Variants in AUTS2 observed in about 807,000 individuals in gnomAD.
AUTS2 encodes autism susceptibility gene 2 protein.
A neutral mutation model predicts 112.4 loss-of-function variants in AUTS2; 17 were observed. The ratio of observed to expected loss-of-function variants is 0.15; its 90% CI spans 0.10 to 0.23. AUTS2 has a LOEUF of 0.23. Among genes scored for constraint, AUTS2 ranks in the 10% least tolerant of loss-of-function variants. AUTS2 has a pLI of 1.00. For synonymous variants in AUTS2, 751 were observed against 702.7 expected, an observed-to-expected ratio of 1.07 and a Z score of -1.09; for missense variants, 1,510 against 1,701.6, an observed-to-expected ratio of 0.89 and a Z score of 1.98.
intron 5 of AUTS2, among the ~76,000 whole-genome samples, chr7:70,623,111 A>T (rs1804761775): frequency 2.0e-5 from 3 of 152,180 alleles, no homozygotes; most frequent in Admixed American, 1.3e-4. Context: ...TGGCTTCGGG[A>T]AGCATTTGGT....
At chr7:69,811,843 G>A (rs923457821) in intron 1 of AUTS2, among the ~76,000 whole-genome samples, 1 of 152,122 alleles carries the variant, frequency 6.6e-6, no homozygotes, top group African/African-American at 2.4e-5. Flanking sequence ...CTCTGGATTC[G>A]GAGCCCCTGG....
At chr7:69,673,351 G>C (rs548241153) in intron 1 of AUTS2, among the ~76,000 whole-genome samples, 11 of 152,330 alleles carry the variant, frequency 7.2e-5, no homozygotes, top group Admixed American at 4.6e-4. Context: ...AGGGAGCCCT[G>C]ATCCTCATAT....
chr7:70,041,823 G>A (rs1321210891), intron 2 of AUTS2, among the ~76,000 whole-genome samples: 1 of 151,960 alleles, frequency 6.6e-6, no homozygotes, highest in East Asian at 1.9e-4. Flanking sequence ...TAACAGTGAA[G>A]GTAATATTTT....
intron 5 of AUTS2, among the ~76,000 whole-genome samples, chr7:70,523,574 T>C (rs1237933656): frequency 6.6e-6 from 1 of 152,164 alleles, no homozygotes; most frequent in African/African-American, 2.4e-5. Flanking sequence ...CAAACAAATC[T>C]AGACTCCTCT....
intron 5 of AUTS2, among the ~76,000 whole-genome samples, chr7:70,446,738 G>A (rs937960530): frequency 1.3e-5 from 2 of 152,182 alleles, no homozygotes; most frequent in African/African-American, 2.4e-5. Context: ...CCCAGCTCCA[G>A]TGTGTGCTTC....
At chr7:70,746,251 T>C (rs983066452) in intron 6 of AUTS2, among the ~76,000 whole-genome samples, 1 of 152,176 alleles carries the variant, frequency 6.6e-6, no homozygotes, top group Non-Finnish European at 1.5e-5. Flanking sequence ...GTTCAAGCGA[T>C]TCTCCTGCCT....
intron 4 of AUTS2, among the ~76,000 whole-genome samples, chr7:70,222,406 A>G (rs1358212600): frequency 6.6e-6 from 1 of 152,230 alleles, no homozygotes; most frequent in African/African-American, 2.4e-5. Flanking sequence ...GTTCAATAGG[A>G]ACATGCAAAA....
chr7:69,680,964 C>G (rs1162960421), intron 1 of AUTS2, among the ~76,000 whole-genome samples: 3 of 152,198 alleles, frequency 2.0e-5, no homozygotes, highest in Non-Finnish European at 4.4e-5. Flanking sequence ...ACCACCACAC[C>G]CAGCTGAATT....
intron 6 of AUTS2, among the ~76,000 whole-genome samples, chr7:70,716,412 T>A (rs576316222): frequency 5.3e-5 from 8 of 151,968 alleles, no homozygotes; most frequent in Non-Finnish European, 1.0e-4. Context: ...GGCGGGTGGA[T>A]CACGAGGTCA....
In AUTS2 at chr7:69,655,068, T is replaced by G. The variant is rs78187628; in HGVS notation, c.309+55106T>G. Among the ~76,000 whole-genome samples the G allele has an allele frequency of 2.0e-5, 3 of 152,286 alleles. No homozygotes were observed. In the East Asian group the frequency reaches 5.8e-4, roughly 29 times the overall value. On this transcript the variant is annotated intron_variant, in intron 1 of 18. Transcript: ENST00000342771. ...AGCAGCCCCATAAAACAAGGCACTCTTCAGCACCAGCATCAGTTGATGCAC... is the reference window on the plus strand; with the variant it reads ...AGCAGCCCCATAAAACAAGGCACTCGTCAGCACCAGCATCAGTTGATGCAC...
intron 5 of AUTS2, among the ~76,000 whole-genome samples, chr7:70,608,618 C>T (rs751494855): frequency 3.9e-5 from 6 of 152,182 alleles, no homozygotes; most frequent in African/African-American, 1.4e-4. Context: ...CGATGAACCA[C>T]CCTGATGAAA....
intron 2 of AUTS2, among the ~76,000 whole-genome samples, chr7:69,911,554 G>C (rs1415398476): frequency 1.3e-5 from 2 of 152,216 alleles, no homozygotes; most frequent in African/African-American, 4.8e-5. Context: ...GAGCAAGGCA[G>C]AGAGGAGCTT....
chr7:69,784,600 C>T (rs1789284077), intron 1 of AUTS2, among the ~76,000 whole-genome samples: 1 of 152,150 alleles, frequency 6.6e-6, no homozygotes, highest in South Asian at 2.1e-4. Context: ...AAATGAGCAA[C>T]TGGTAGACCC....
intron 5 of AUTS2, among the ~76,000 whole-genome samples, chr7:70,617,560 G>A (rs2129535851): frequency 6.6e-6 from 1 of 152,192 alleles, no homozygotes; most frequent in Non-Finnish European, 1.5e-5. Context: ...CTACTCAGGA[G>A]GCTGAGGCAG....
chr7:70,344,435 A>T (rs1217532884), intron 4 of AUTS2, among the ~76,000 whole-genome samples: 1 of 152,138 alleles, frequency 6.6e-6, no homozygotes, highest in South Asian at 2.1e-4. Context: ...GGTCATGCCC[A>T]GTTCAAATTC....
chr7:70,679,587 C>T (rs567790683), intron 5 of AUTS2, among the ~76,000 whole-genome samples: 6 of 145,484 alleles, frequency 4.1e-5, no homozygotes, highest in Admixed American at 2.9e-4. Context: ...TCTTTTCAAG[C>T]CAAACTTTCA....
intron 6 of AUTS2, among the ~76,000 whole-genome samples, chr7:70,743,343 C>G (rs1022224946): frequency 2.0e-4 from 30 of 152,070 alleles, no homozygotes; most frequent in Non-Finnish European, 3.5e-4. Context: ...GTGACACGCA[C>G]CTGTAGTCCA....
intron 5 of AUTS2, among the ~76,000 whole-genome samples, chr7:70,634,951 G>A (rs1047727314): frequency 1.3e-5 from 2 of 152,158 alleles, no homozygotes; most frequent in Admixed American, 6.5e-5. Context: ...CTGGTCTCCT[G>A]CTGAGTAACC....
intron 2 of AUTS2, among the ~76,000 whole-genome samples, chr7:70,090,279 A>T (rs1222731767): frequency 6.6e-6 from 1 of 151,956 alleles, no homozygotes; most frequent in South Asian, 2.1e-4. Context: ...ACACAATTCT[A>T]CTTTTATATA....
Sources: allele counts gnomAD v4.1 joint callset (sites outside exome capture counted in the v4.1 genomes callset), GRCh38; gene constraint gnomAD v4.1.1; transcripts MANE v1.5; gene names NCBI Gene and HGNC (gene_info 2026-07-23, HGNC 2026-07-21).